The following DNAJC6 variants were observed in gnomAD, a reference collection of about 807,000 sequenced individuals.
The protein encoded by DNAJC6 is auxilin.
Under a neutral mutation model 110.0 loss-of-function variants are expected in DNAJC6, and 34 were observed. The observed-to-expected ratio is 0.31, with a 90% CI of 0.24 to 0.41. The LOEUF (loss-of-function observed/expected upper bound fraction) is 0.41. DNAJC6 is among the 10% of genes least tolerant of loss of function. The pLI is 1.00. For missense variants in DNAJC6, 1,031 were observed against 1,207.8 expected, an observed-to-expected ratio of 0.85 and a Z score of 2.17; for synonymous variants, 406 against 437.2, an observed-to-expected ratio of 0.93 and a Z score of 0.89.
chr1:65,388,545 C>A, intron 9 of DNAJC6, 130 bp downstream of exon 9: 1 of 805,766 alleles, frequency 1.2e-6, no homozygotes, highest in Non-Finnish European at 2.1e-6. Context: ...CTCAGTAGCA[C>A]AGAGAGGCTG....
At chr1:65,264,811 C>T (rs1191888960) in exon 1 of DNAJC6, 3 of 1,555,870 alleles carry the variant, frequency 1.9e-6, no homozygotes, top group East Asian at 4.6e-5. Flanking sequence ...TGAGAGACTT[C>T]GCCCCCGAGA....
chr1:65,268,977 C>A (rs953710759), intron 1 of DNAJC6, among the ~76,000 whole-genome samples: 2 of 151,938 alleles, frequency 1.3e-5, no homozygotes, highest in African/African-American at 4.8e-5. Flanking sequence ...AGTTCTCATT[C>A]CAATTTTTCT....
At chr1:65,405,781 A>G (rs978581471) in intron 15 of DNAJC6, 89 bp from the exon 16 acceptor site, 12 of 1,459,500 alleles carry the variant, frequency 8.2e-6, no homozygotes, top group African/African-American at 1.4e-5. Flanking sequence ...GGGAATGACT[A>G]TTAAAGCCAC....
At chr1:65,364,840 G>A (rs1645631143) in intron 2 of DNAJC6, 55 bp downstream of exon 2, 2 of 1,593,214 alleles carry the variant, frequency 1.3e-6, no homozygotes, top group Admixed American at 3.4e-5. Context: ...CAAAGGATCT[G>A]GTTACCTGCT....
intron 1 of DNAJC6, among the ~76,000 whole-genome samples, chr1:65,311,517 G>T (rs1280602918): frequency 6.6e-6 from 1 of 152,092 alleles, no homozygotes; most frequent in Admixed American, 6.5e-5. Context: ...GAGCCACCGC[G>T]CCCAGGCAGG....
At chr1:65,283,569 G>C (rs575102000) in intron 1 of DNAJC6, among the ~76,000 whole-genome samples, 2 of 152,196 alleles carry the variant, frequency 1.3e-5, no homozygotes, top group East Asian at 3.9e-4. Context: ...AAGACATTTG[G>C]GTGGTTTCCA....
At chr1:65,362,940 T>A (rs1645612105) in intron 1 of DNAJC6, among the ~76,000 whole-genome samples, 1 of 152,202 alleles carries the variant, frequency 6.6e-6, no homozygotes, top group African/African-American at 2.4e-5. Flanking sequence ...AAGAACTACC[T>A]GAGACTCAGC....
intron 15 of DNAJC6, among the ~76,000 whole-genome samples, chr1:65,404,008 T>TA (rs113945664): frequency 1.2e-4 from 18 of 152,034 alleles, no homozygotes; most frequent in South Asian, 1.0e-3. Context: ...AATTTTAAAA[T>TA]AAAAAAAACA....
intron 1 of DNAJC6, among the ~76,000 whole-genome samples, chr1:65,270,936 C>T (rs1247628630): frequency 6.6e-6 from 1 of 152,100 alleles, no homozygotes; most frequent in Non-Finnish European, 1.5e-5. Context: ...CCTTTGGCCT[C>T]CCAAAGTGCT....
intron 1 of DNAJC6, among the ~76,000 whole-genome samples, chr1:65,345,088 T>C (rs1211598486): frequency 6.9e-6 from 1 of 145,724 alleles, no homozygotes; most frequent in African/African-American, 2.6e-5. Context: ...GGATTTAATA[T>C]CTGTGATGAT....
At chr1:65,313,333 C>G (rs536716870) in intron 1 of DNAJC6, among the ~76,000 whole-genome samples, 1 of 151,722 alleles carries the variant, frequency 6.6e-6, no homozygotes, top group African/African-American at 2.4e-5. Flanking sequence ...CCAAAGTGCT[C>G]GGATTACAGA....
At chr1:65,337,996 A>G (rs1645353628) in intron 1 of DNAJC6, among the ~76,000 whole-genome samples, 5 of 152,158 alleles carry the variant, frequency 3.3e-5, no homozygotes, top group Non-Finnish European at 7.3e-5. Flanking sequence ...GTATCACCAG[A>G]TGTTCCAGGC....
intron 1 of DNAJC6, among the ~76,000 whole-genome samples, chr1:65,326,432 G>A (rs181309678): frequency 2.2e-3 from 340 of 152,318 alleles, no homozygotes; most frequent in Non-Finnish European, 4.2e-3. Context: ...TCCAGATAAA[G>A]TTGGAAAGAG....
chr1:65,398,681 A>G, intron 13 of DNAJC6, 132 bp from the exon 14 acceptor site: 2 of 785,578 alleles, frequency 2.5e-6, no homozygotes, highest in Admixed American at 2.3e-5. Context: ...ACTCAGAAGG[A>G]GGAGTGGATA....
chr1:65,362,995 G>T (rs1279936325), intron 1 of DNAJC6, among the ~76,000 whole-genome samples: 1 of 152,168 alleles, frequency 6.6e-6, no homozygotes, highest in Non-Finnish European at 1.5e-5. Context: ...GTTCCACATG[G>T]CTGTAGAGGC....
At chr1:65,412,168 C>A (rs958011122) in intron 18 of DNAJC6, among the ~76,000 whole-genome samples, 1 of 152,122 alleles carries the variant, frequency 6.6e-6, no homozygotes, top group Non-Finnish European at 1.5e-5. Context: ...TAAATTTGCC[C>A]TCTCTTGATT....
intron 1 of DNAJC6, among the ~76,000 whole-genome samples, chr1:65,356,411 A>C (rs1472156366): frequency 6.6e-6 from 1 of 151,932 alleles, no homozygotes; most frequent in Non-Finnish European, 1.5e-5. Context: ...GTCTCTACAA[A>C]AAATTAACTG....
intron 1 of DNAJC6, among the ~76,000 whole-genome samples, chr1:65,335,665 T>C (rs373901096): frequency 6.0e-4 from 92 of 152,098 alleles, no homozygotes; most frequent in African/African-American, 2.2e-3. Flanking sequence ...ACATGTTGAA[T>C]AGACGAGTAG....
intron 1 of DNAJC6, among the ~76,000 whole-genome samples, chr1:65,358,848 C>T: frequency 6.6e-6 from 1 of 152,122 alleles, no homozygotes; most frequent in African/African-American, 2.4e-5. Context: ...TAAGTTTTTG[C>T]ATACCATCCT....
Sources: allele counts gnomAD v4.1 joint callset (sites outside exome capture counted in the v4.1 genomes callset), GRCh38; gene constraint gnomAD v4.1.1; transcripts MANE v1.5; gene names NCBI Gene and HGNC (gene_info 2026-07-23, HGNC 2026-07-21).